Variants in NETO1 observed in about 807,000 individuals in gnomAD.
NETO1 encodes neuropilin and tolloid-like protein 1.
NETO1 carries 26 observed loss-of-function variants against 61.3 expected under a neutral mutation model. The ratio of observed to expected loss-of-function variants is 0.42; its 90% confidence interval spans 0.31 to 0.59. The LOEUF is 0.59. Ranked by LOEUF, NETO1 falls within the 20% of genes least tolerant of loss-of-function variation. The pLI is 0.12. For missense variants in NETO1, 531 were observed against 662.8 expected (o/e 0.80, Z 2.18); for synonymous variants, 225 against 225.8 (o/e 1.00, Z 0.03).
At chr18:72,842,951 C>A (rs996577859) in intron 4 of NETO1, among the ~76,000 whole-genome samples, 2 of 152,078 alleles carry the variant, frequency 1.3e-5, no homozygotes, top group African/African-American at 4.8e-5. Flanking sequence ...TTTCTTATAA[C>A]GGCATTTTTA....
At chr18:72,788,043 T>A (rs2071981699) in intron 6 of NETO1, among the ~76,000 whole-genome samples, 1 of 152,198 alleles carries the variant, frequency 6.6e-6, no homozygotes, top group Non-Finnish European at 1.5e-5. Context: ...ATATTTCACA[T>A]AAGAATATTG....
intron 4 of NETO1, among the ~76,000 whole-genome samples, chr18:72,824,249 A>G (rs186783006): frequency 1.1e-3 from 168 of 152,346 alleles, no homozygotes; most frequent in African/African-American, 3.8e-3. Flanking sequence ...AATAATTACT[A>G]AAGAACTACT....
At chr18:72,761,382 TAAATA>T (rs1242152583) in intron 7 of NETO1, among the ~76,000 whole-genome samples, 1 of 152,206 alleles carries the variant, frequency 6.6e-6, no homozygotes, top group African/African-American at 2.4e-5. Flanking sequence ...TTATGCATAT[TAAATA>T]AAATACAAAT....
downstream of NETO1, among the ~76,000 whole-genome samples, chr18:72,743,545 T>C (rs997718260): frequency 3.3e-5 from 5 of 152,154 alleles, no homozygotes; most frequent in Admixed American, 6.6e-5. Flanking sequence ...ACACAGCACA[T>C]AATGTTGGGC....
At chr18:72,853,440 A>G (rs1449328060) in intron 4 of NETO1, 1 of 149,104 alleles carries the variant, frequency 6.7e-6, no homozygotes, top group Non-Finnish European at 1.5e-5. Context: ...TCAATCTTTT[A>G]TTTTTATGTG....
At chr18:72,778,456 T>G (rs986390772) in intron 7 of NETO1, among the ~76,000 whole-genome samples, 2 of 152,248 alleles carry the variant, frequency 1.3e-5, no homozygotes, top group East Asian at 3.8e-4. Flanking sequence ...TTGAATTTTA[T>G]GACAGGCAGT....
intron 4 of NETO1, among the ~76,000 whole-genome samples, chr18:72,819,416 T>C (rs1041809864): frequency 2.0e-5 from 3 of 152,224 alleles, no homozygotes; most frequent in Admixed American, 2.0e-4. Flanking sequence ...TGAGAACTGA[T>C]TAGTATTTTA....
At chr18:72,743,482 A>T (rs752581916), downstream of NETO1, among the ~76,000 whole-genome samples, 5 of 152,314 alleles carry the variant, frequency 3.3e-5, no homozygotes, top group African/African-American at 1.2e-4. Flanking sequence ...TCTTCCATGG[A>T]AGATGATGAA....
chr18:72,828,746 G>A (rs1243118761), intron 4 of NETO1, among the ~76,000 whole-genome samples: 1 of 152,144 alleles, frequency 6.6e-6, no homozygotes, highest in African/African-American at 2.4e-5. Context: ...AGAAAGAAAA[G>A]CCATGTCAAT....
intron 4 of NETO1, among the ~76,000 whole-genome samples, chr18:72,848,339 T>G (rs938358104): frequency 6.6e-6 from 1 of 151,984 alleles, no homozygotes; most frequent in African/African-American, 2.4e-5. Flanking sequence ...CTCAACAGCA[T>G]CAACTCAAAG....
At chr18:72,821,257 A>AAAAAAAAAAAAAG in intron 4 of NETO1, among the ~76,000 whole-genome samples, 1 of 149,040 alleles carries the variant, frequency 6.7e-6, no homozygotes, top group African/African-American at 2.4e-5. Context: ...AAAAAAAAAA[A>AAAAAAAAAAAAAG]TGGGTCCAGG....
intron 6 of NETO1, among the ~76,000 whole-genome samples, chr18:72,786,729 T>C (rs1420289603): frequency 6.6e-6 from 1 of 152,082 alleles, no homozygotes; most frequent in Non-Finnish European, 1.5e-5. Context: ...TTCAGAAATA[T>C]CCAGTTTAAG....
chr18:72,763,065 T>G (rs754478357), intron 7 of NETO1, among the ~76,000 whole-genome samples: 1 of 152,182 alleles, frequency 6.6e-6, no homozygotes, highest in Non-Finnish European at 1.5e-5. Context: ...ATTCTGTAAC[T>G]TAAAGGTTTT....
At chr18:72,763,025 G>A (rs753277390) in intron 7 of NETO1, among the ~76,000 whole-genome samples, 2 of 151,952 alleles carry the variant, frequency 1.3e-5, no homozygotes, top group African/African-American at 2.4e-5. Context: ...CGATTTTAGT[G>A]TTTATCTCAT....
At chr18:72,810,030 A>T (rs1177870924) in intron 4 of NETO1, among the ~76,000 whole-genome samples, 1 of 152,258 alleles carries the variant, frequency 6.6e-6, no homozygotes, top group Non-Finnish European at 1.5e-5. Context: ...TTCTAAAAAA[A>T]TAAAACATTG....
At chr18:72,787,271 A>T (rs1371405023) in intron 6 of NETO1, among the ~76,000 whole-genome samples, 2 of 151,616 alleles carry the variant, frequency 1.3e-5, no homozygotes, top group East Asian at 2.0e-4. Context: ...TTGGAAGTAA[A>T]CATTGTCACA....
chr18:72,825,127 A>G (rs1248981079), intron 4 of NETO1, among the ~76,000 whole-genome samples: 4 of 152,204 alleles, frequency 2.6e-5, no homozygotes, highest in Non-Finnish European at 5.9e-5. Context: ...ATGATTAGCA[A>G]GAGTTAGTCC....
intron 4 of NETO1, among the ~76,000 whole-genome samples, chr18:72,858,488 CT>C (rs2074471086): frequency 6.6e-6 from 1 of 152,140 alleles, no homozygotes; most frequent in Non-Finnish European, 1.5e-5. Flanking sequence ...CTACAATTGT[CT>C]TTTCAAGTTT....
At chr18:72,833,969 G>A (rs1477134340) in intron 4 of NETO1, 1 of 282,248 alleles carries the variant, frequency 3.5e-6, no homozygotes, top group Admixed American at 6.5e-5. Flanking sequence ...ACATTCCTAT[G>A]ATAAATTAGC....
Sources: gnomAD v4.1 joint callset for allele counts (sites outside exome capture counted in the v4.1 genomes callset) on GRCh38, gnomAD v4.1.1 for gene constraint, MANE v1.5 for transcripts, NCBI Gene and HGNC (gene_info 2026-07-23, HGNC 2026-07-21) for gene names.